MYH15: variants seen among roughly 807,000 people sequenced by gnomAD.
MYH15 encodes the protein myosin-15.
A neutral mutation model predicts 240.5 loss-of-function variants in MYH15; 227 were observed. That is an observed-to-expected ratio of 0.94 (90% confidence interval 0.85 to 1.05). The LOEUF (loss-of-function observed/expected upper bound fraction) is 1.05, where lower values mean the gene tolerates loss of function less well. Ranked by LOEUF, MYH15 falls within the 50% of genes least tolerant of loss-of-function variation. The probability of loss-of-function intolerance (pLI) is 0.00; values close to 1 mark genes in which losing one functional copy is unlikely to be tolerated. For missense variants in MYH15, 2,217 were observed against 2,247.5 expected (o/e 0.99, Z 0.27); for synonymous variants, 785 against 796.7 (o/e 0.99, Z 0.25).
chr3:108,517,206 C>T (rs1010596870), intron 1 of MYH15, among the ~76,000 whole-genome samples: 2 of 152,176 alleles, frequency 1.3e-5, no homozygotes, highest in Non-Finnish European at 1.5e-5. Flanking sequence ...TTTCTATCTC[C>T]CAGCGTTTGC....
rs146691828 is a variant in MYH15, at chr3:108,526,746, C to T, written c.-58+2517G>A. On this transcript the variant is annotated intron_variant, in intron 1 of 41. Transcript: ENST00000273353. Reference sequence around the variant, plus strand: ...AGTGGAAGGGTCTGGCTGACACTTTCTCATAAACTGCAGCCCATCTGATCG... The same window carrying T: ...AGTGGAAGGGTCTGGCTGACACTTTTTCATAAACTGCAGCCCATCTGATCG... 2.4e-3 allele frequency among the ~76,000 whole-genome samples: 364 copies of T among 152,284 alleles called. 1 individual carries two copies. Among genetic ancestry groups the T allele is most frequent in the African/African-American group, 8.3e-3 (347 of 41,572 alleles).
At chr3:108,547,160 CCTAA>C in the MYH15 span, among the ~76,000 whole-genome samples, 14 of 151,918 alleles carry the variant, frequency 9.2e-5, no homozygotes, top group East Asian at 1.9e-4. Flanking sequence ...TGTCACCACA[CCTAA>C]CTAATTTTTT....
intron 3 of MYH15, among the ~76,000 whole-genome samples, chr3:108,500,718 A>C (rs58367909): frequency 1.8e-3 from 273 of 152,346 alleles, no homozygotes; most frequent in African/African-American, 6.3e-3. Context: ...AGATATATTT[A>C]TGTCCTATTC....
rs1480544972 is a variant in MYH15, at chr3:108,463,255, C to T, written c.1732-12G>A. 6.3e-7 allele frequency: 1 copy of T among 1,591,414 alleles called. No homozygotes were observed. The highest frequency in any genetic ancestry group is 1.2e-5 in the South Asian group (1 of 86,154). On this transcript the variant is annotated splice_polypyrimidine_tract_variant and intron_variant, in intron 15 of 40. Coordinates refer to ENST00000693548, the MANE Select transcript of MYH15 (RefSeq NM_014981.3). ...ATATTATAAGGTACCTTTGGAAAGG[C>T]ATGCATTTCAGGTTAAAAAAAGAAA...
the MYH15 span, among the ~76,000 whole-genome samples, chr3:108,534,842 T>C: frequency 2.6e-5 from 4 of 152,004 alleles, no homozygotes; most frequent in African/African-American, 7.2e-5. Context: ...GATCAAACCA[T>C]TGCACTCTAG....
chr3:108,550,007 C>T, the MYH15 span: 3 of 151,918 alleles, frequency 2.0e-5, no homozygotes, highest in African/African-American at 7.2e-5. Context: ...ATGTTTTACT[C>T]TGCATAATAT....
At chr3:108,508,040 G>A (rs1216031322) in intron 1 of MYH15, among the ~76,000 whole-genome samples, 1 of 152,158 alleles carries the variant, frequency 6.6e-6, no homozygotes, top group Non-Finnish European at 1.5e-5. Flanking sequence ...GGAGAGAGAT[G>A]AAGAGAGTTG....
At chr3:108,469,397 A>G (rs2083151231) in intron 14 of MYH15, among the ~76,000 whole-genome samples, 1 of 152,224 alleles carries the variant, frequency 6.6e-6, no homozygotes, top group Admixed American at 6.5e-5. Context: ...AGCCACAGAA[A>G]GGACCATACG....
intron 9 of MYH15, among the ~76,000 whole-genome samples, chr3:108,490,886 G>GTT (rs566583492): frequency 1.4e-5 from 2 of 145,266 alleles, no homozygotes; most frequent in African/African-American, 2.5e-5. Flanking sequence ...TTAGATCATG[G>GTT]TTTTTTTTTT....
chr3:108,542,613 C>T, the MYH15 span, among the ~76,000 whole-genome samples: 1 of 152,106 alleles, frequency 6.6e-6, no homozygotes. Flanking sequence ...CAAAGGTAAG[C>T]ATGTCACATG....
At chr3:108,459,316 T>A (rs1412669894) in intron 18 of MYH15, 46 bp downstream of exon 18, 4 of 1,228,110 alleles carry the variant, frequency 3.3e-6, no homozygotes, top group Non-Finnish European at 4.7e-6. Flanking sequence ...ATAGCTAATA[T>A]CAAATCTATT....
At chr3:108,459,863 A>T (rs553073700) in intron 17 of MYH15, among the ~76,000 whole-genome samples, 9 of 152,314 alleles carry the variant, frequency 5.9e-5, no homozygotes, top group African/African-American at 2.2e-4. Flanking sequence ...GAAAGCTGGG[A>T]ACAGCAGGGG....
intron 35 of MYH15, among the ~76,000 whole-genome samples, chr3:108,394,389 A>C (rs1226594110): frequency 6.6e-6 from 1 of 152,224 alleles, no homozygotes; most frequent in Non-Finnish European, 1.5e-5. Flanking sequence ...AGCCTGAATC[A>C]GAAGGGAAGA....
chr3:108,471,828 T>C (rs1205235886), intron 12 of MYH15, among the ~76,000 whole-genome samples: 1 of 152,222 alleles, frequency 6.6e-6, no homozygotes, highest in Admixed American at 6.5e-5. Context: ...TGTAATACTA[T>C]GCACAATAGT....
the MYH15 span, among the ~76,000 whole-genome samples, chr3:108,548,560 C>T: frequency 6.6e-6 from 1 of 152,046 alleles, no homozygotes; most frequent in South Asian, 2.1e-4. Context: ...TCCAGAAAGC[C>T]TAAAATATTT....
intron 12 of MYH15, 101 bp from the exon 13 acceptor site, chr3:108,470,948 C>T (rs2083168898): frequency 1.3e-5 from 14 of 1,088,198 alleles, no homozygotes; most frequent in Non-Finnish European, 1.8e-5. Context: ...ATTAGGATGT[C>T]TTTATTGACC....
At chr3:108,453,972 C>T in intron 21 of MYH15, 34 bp downstream of exon 21, 1 of 1,597,254 alleles carries the variant, frequency 6.3e-7, no homozygotes, top group Non-Finnish European at 8.6e-7. Context: ...CACTATTACC[C>T]TAGCAGTTGG....
chr3:108,398,828 G>A lies in MYH15; in HGVS notation c.4942C>T (p.Gln1648Ter). The A allele has an allele frequency of 1.9e-6, 3 of 1,614,174 alleles. No homozygotes were observed. Reference protein sequence around the residue: ...LQIQIKDLQMQLDDSTQLNSD... With the variant: ...LQIQIKDLQM ...TTCAGTTGTGTGCTGTCATCCAGCT[G>A]CATTTGAAGGTCCTGGGAGAGAAAA... Residue 1648 changes from glutamine to a stop codon, truncating the protein, a stop_gained, in exon 35 of 41, where the codon CAG becomes TAG. Transcript: ENST00000693548. LOFTEE classifies it high-confidence loss of function.
chr3:108,533,092 A>G (rs1247846188), upstream of MYH15, among the ~76,000 whole-genome samples: 4 of 148,094 alleles, frequency 2.7e-5, no homozygotes. Flanking sequence ...CATTTGATTC[A>G]GATATATTTT....
Sources: gnomAD v4.1 joint callset for allele counts (sites outside exome capture counted in the v4.1 genomes callset) on GRCh38, gnomAD v4.1.1 for gene constraint, MANE v1.5 for transcripts, NCBI Gene and HGNC (gene_info 2026-07-23, HGNC 2026-07-21) for gene names.